The following SPATA13 variants were observed in gnomAD, a reference collection of about 807,000 sequenced individuals.
SPATA13 encodes spermatogenesis associated 13.
Under a neutral mutation model 104.0 loss-of-function variants are expected in SPATA13, and 50 were observed. The ratio of observed to expected loss-of-function variants is 0.48; its 90% CI spans 0.38 to 0.61. SPATA13 has a LOEUF of 0.61. Among genes scored for constraint, SPATA13 ranks in the 20% least tolerant of loss-of-function variants. The probability of loss-of-function intolerance (pLI) is 0.00; values close to 1 mark genes in which losing one functional copy is unlikely to be tolerated. For synonymous variants in SPATA13, 606 were observed against 667.5 expected, an observed-to-expected ratio of 0.91 and a Z score of 1.42; for missense variants, 1,524 against 1,690.6, an observed-to-expected ratio of 0.90 and a Z score of 1.73.
intron 3 of SPATA13, among the ~76,000 whole-genome samples, chr13:24,137,334 A>G (rs1269557165): frequency 1.3e-5 from 2 of 152,214 alleles, no homozygotes; most frequent in African/African-American, 4.8e-5. Flanking sequence ...TGCTGTCTCT[A>G]AGAATTTACT....
At chr13:24,105,912 G>A (rs934584539) in intron 3 of SPATA13, among the ~76,000 whole-genome samples, 2 of 152,210 alleles carry the variant, frequency 1.3e-5, no homozygotes, top group Non-Finnish European at 2.9e-5. Context: ...TGTAAGCCAA[G>A]GAGGGAGGCC....
intron 2 of SPATA13, among the ~76,000 whole-genome samples, chr13:24,000,550 A>C (rs918671616): frequency 6.6e-6 from 1 of 152,180 alleles, no homozygotes; most frequent in Non-Finnish European, 1.5e-5. Flanking sequence ...AACCAAGCAC[A>C]CGGCAACAAC....
intron 1 of SPATA13, among the ~76,000 whole-genome samples, chr13:24,180,683 T>G (rs915060799): frequency 3.3e-5 from 5 of 152,214 alleles, no homozygotes; most frequent in Non-Finnish European, 7.3e-5. Context: ...AGAGTATATG[T>G]TTTATACTTC....
At chr13:23,992,238 T>C (rs1435153642) in intron 2 of SPATA13, among the ~76,000 whole-genome samples, 1 of 152,216 alleles carries the variant, frequency 6.6e-6, no homozygotes, top group Admixed American at 6.5e-5. Context: ...CCAGGAGGTC[T>C]GAGTCTAGCT....
intron 3 of SPATA13, among the ~76,000 whole-genome samples, chr13:24,068,113 A>G (rs1421007666): frequency 5.9e-5 from 9 of 152,176 alleles, no homozygotes; most frequent in Non-Finnish European, 1.0e-4. Flanking sequence ...CCCAAGCATT[A>G]AGCCAAGTGG....
chr13:24,272,133 G>A (rs1874655786), intron 4 of SPATA13, among the ~76,000 whole-genome samples: 1 of 152,216 alleles, frequency 6.6e-6, no homozygotes, highest in Non-Finnish European at 1.5e-5. Context: ...TTGAGCAGGG[G>A]CGTGTTCATT....
chr13:24,193,374 A>G (rs191957093), intron 1 of SPATA13, among the ~76,000 whole-genome samples: 1 of 152,250 alleles, frequency 6.6e-6, no homozygotes, highest in Admixed American at 6.5e-5. Flanking sequence ...GGCATTGTTG[A>G]CACAGGCGGT....
chr13:24,296,159 CACAT>C lies in SPATA13; in HGVS notation c.3211-1199_3211-1196del, dbSNP rs907371589. 3.7e-4 allele frequency among the ~76,000 whole-genome samples: 56 copies of C among 152,174 alleles called. 1 individual carries two copies. The highest frequency in any genetic ancestry group is 3.5e-3 in the Admixed American group (53 of 15,290). ...ATAGGTGGTGAAAATTGGAGAGAAA[CACAT>C]ACATTTCAAGGGCCTTATAGACTTC... is the stretch of plus-strand genomic sequence containing the variant. On this transcript the variant is annotated intron_variant, in intron 10 of 12. Coordinates refer to ENST00000382108, the MANE Select transcript of SPATA13 (RefSeq NM_001166271.3).
At chr13:24,096,152 G>A (rs1001976977) in intron 3 of SPATA13, among the ~76,000 whole-genome samples, 1 of 152,122 alleles carries the variant, frequency 6.6e-6, no homozygotes, top group Non-Finnish European at 1.5e-5. Flanking sequence ...CACCTGCCTG[G>A]TGCCTGACTT....
intron 3 of SPATA13, among the ~76,000 whole-genome samples, chr13:24,084,107 G>A (rs1199131935): frequency 6.6e-6 from 1 of 152,182 alleles, no homozygotes; most frequent in African/African-American, 2.4e-5. Context: ...GAAAGAGAGA[G>A]CCGTGACTAG....
At chr13:24,022,113 T>C (rs1319600852) in intron 3 of SPATA13, among the ~76,000 whole-genome samples, 2 of 148,168 alleles carry the variant, frequency 1.3e-5, no homozygotes, top group Non-Finnish European at 3.0e-5. Context: ...TGCAATCTCA[T>C]CTCACTGCAG....
intron 2 of SPATA13, among the ~76,000 whole-genome samples, chr13:24,014,868 G>C (rs1876634625): frequency 7.5e-6 from 1 of 134,162 alleles, no homozygotes; most frequent in African/African-American, 2.7e-5. Flanking sequence ...TCCCTTTTTG[G>C]CACTTTCTGG....
chr13:23,982,173 T>A (rs1289185091), intron 1 of SPATA13, among the ~76,000 whole-genome samples: 1 of 152,218 alleles, frequency 6.6e-6, no homozygotes, highest in Non-Finnish European at 1.5e-5. Flanking sequence ...TTTAAATTTT[T>A]TGTCAGATTT....
intron 2 of SPATA13, among the ~76,000 whole-genome samples, chr13:23,986,812 G>T (rs1253945507): frequency 2.0e-5 from 3 of 152,100 alleles, no homozygotes; most frequent in African/African-American, 7.2e-5. Flanking sequence ...AGTCACGTCA[G>T]GCTGTTTTTG....
chr13:24,017,549 T>G, intron 2 of SPATA13: 2 of 265,572 alleles, frequency 7.5e-6, no homozygotes, highest in Non-Finnish European at 1.2e-5. Context: ...TATATATACA[T>G]TTTTGTTTAC....
intron 3 of SPATA13, among the ~76,000 whole-genome samples, chr13:24,027,215 A>G (rs1249900723): frequency 7.1e-6 from 1 of 141,606 alleles, no homozygotes; most frequent in Non-Finnish European, 1.5e-5. Context: ...GCTCACTGCA[A>G]CCTCCACCTC....
At chr13:24,067,348 C>T (rs1171970298) in intron 3 of SPATA13, among the ~76,000 whole-genome samples, 1 of 151,284 alleles carries the variant, frequency 6.6e-6, no homozygotes, top group Non-Finnish European at 1.5e-5. Flanking sequence ...TGTATGTACC[C>T]TTTGTAAGTC....
At chr13:24,023,945 A>T (rs572165208) in intron 3 of SPATA13, among the ~76,000 whole-genome samples, 2 of 152,366 alleles carry the variant, frequency 1.3e-5, no homozygotes, top group South Asian at 4.1e-4. Context: ...AAACAAATGC[A>T]TGTGGACGCT....
At chr13:24,230,479 G>A (rs902667398) in intron 2 of SPATA13, among the ~76,000 whole-genome samples, 3 of 152,184 alleles carry the variant, frequency 2.0e-5, no homozygotes, top group African/African-American at 7.2e-5. Flanking sequence ...GGTTGCAGAA[G>A]GGCACTGGAC....
Sources: allele counts gnomAD v4.1 joint callset (sites outside exome capture counted in the v4.1 genomes callset), GRCh38; gene constraint gnomAD v4.1.1; transcripts MANE v1.5; gene names NCBI Gene and HGNC (gene_info 2026-07-23, HGNC 2026-07-21).